The following MYO18B variants were observed in gnomAD, a reference collection of about 807,000 sequenced individuals.
MYO18B encodes myosin XVIIIB, also known as unconventional myosin-XVIIIb.
Under a neutral mutation model 273.0 loss-of-function variants are expected in MYO18B, and 204 were observed. The ratio of observed to expected loss-of-function variants is 0.75; its 90% confidence interval spans 0.67 to 0.84. The LOEUF is 0.84. Ranked by LOEUF, MYO18B falls within the 40% of genes least tolerant of loss-of-function variation. MYO18B has a pLI of 0.00. For synonymous variants in MYO18B, 1,330 were observed against 1,305.7 expected (o/e 1.02, Z -0.40); for missense variants, 3,212 against 3,287.6 (o/e 0.98, Z 0.56).
chr22:25,753,100 G>C (rs943973803), intron 1 of MYO18B, among the ~76,000 whole-genome samples: 1 of 152,170 alleles, frequency 6.6e-6, no homozygotes, highest in Non-Finnish European at 1.5e-5. Context: ...GGTTAGGATC[G>C]CGCGCGGCCA....
chr22:25,939,093 G>A (rs566170126), intron 34 of MYO18B, among the ~76,000 whole-genome samples: 4 of 152,322 alleles, frequency 2.6e-5, no homozygotes, highest in South Asian at 4.1e-4. Context: ...AGGATTACAG[G>A]CATAAGCCAC....
intron 39 of MYO18B, among the ~76,000 whole-genome samples, chr22:25,981,878 C>T (rs540466702): frequency 2.6e-5 from 4 of 152,274 alleles, no homozygotes; most frequent in East Asian, 3.9e-4. Flanking sequence ...TGTATTAGTC[C>T]GTTCTTGCAT....
chr22:25,839,342 G>A (rs1365956156), intron 17 of MYO18B, among the ~76,000 whole-genome samples: 1 of 152,188 alleles, frequency 6.6e-6, no homozygotes, highest in Non-Finnish European at 1.5e-5. Flanking sequence ...GGCCCAGGAA[G>A]TTGTGCTGCG....
Position 25,924,099 on chromosome 22 carries a change from G to A in MYO18B, c.5517+2690G>A, listed in dbSNP as rs576114203. Among the ~76,000 whole-genome samples the A allele has an allele frequency of 9.8e-5, 15 of 152,312 alleles. No homozygotes were observed. In the South Asian group the frequency reaches 2.9e-3, roughly 30 times the overall value. The stretch of plus-strand genomic sequence containing the variant: ...GAAATCGTTATAAGGATGGGATCGC[G>A]TGGACCAGAGGTCAGGGTACAGTTG... On this transcript the variant is annotated intron_variant, in intron 34 of 43. Transcript: ENST00000335473.
At chr22:25,979,959 C>T (rs2093132540) in intron 39 of MYO18B, among the ~76,000 whole-genome samples, 1 of 152,106 alleles carries the variant, frequency 6.6e-6, no homozygotes, top group Non-Finnish European at 1.5e-5. Context: ...AAGCTCCAGT[C>T]CCTGGCGCTA....
chr22:25,800,934 A>G (rs1394510882), intron 12 of MYO18B, among the ~76,000 whole-genome samples: 1 of 152,230 alleles, frequency 6.6e-6, no homozygotes, highest in Non-Finnish European at 1.5e-5. Flanking sequence ...ATCCCACGTT[A>G]TAAATTATTT....
chr22:25,848,727 CCT>C lies in MYO18B; in HGVS notation c.3775+1079_3775+1080del, dbSNP rs1193535472. 3.0e-4 allele frequency among the ~76,000 whole-genome samples: 45 copies of C among 152,270 alleles called. 1 individual carries two copies. In the East Asian group the frequency reaches 6.6e-3, roughly 22 times the overall value. On this transcript the variant is annotated intron_variant, in intron 20 of 43. Transcript: ENST00000335473. ...TCTCAGTCCTTGCTATTCTTTTCTGCCTCTCAGTCTCCAAAGGCCACCACACT... is the reference window on the plus strand; with the variant it reads ...TCTCAGTCCTTGCTATTCTTTTCTGCCTCAGTCTCCAAAGGCCACCACACT...
At chr22:25,884,293 T>C (rs1201626002) in intron 25 of MYO18B, among the ~76,000 whole-genome samples, 1 of 152,166 alleles carries the variant, frequency 6.6e-6, no homozygotes, top group East Asian at 1.9e-4. Flanking sequence ...GGTCACATGG[T>C]CACTGGTAAC....
chr22:25,899,884 T>G (rs1417860931), intron 29 of MYO18B: 1 of 152,178 alleles, frequency 6.6e-6, no homozygotes, highest in Non-Finnish European at 1.5e-5. Context: ...TATACCCCTG[T>G]CTGTGAAACA....
intron 28 of MYO18B, among the ~76,000 whole-genome samples, chr22:25,895,821 G>A (rs962363880): frequency 1.3e-5 from 2 of 152,008 alleles, no homozygotes; most frequent in Non-Finnish European, 2.9e-5. Context: ...TCTCATGTTG[G>A]ATTTTTTTCC....
intron 34 of MYO18B, among the ~76,000 whole-genome samples, chr22:25,926,169 C>T (rs2092418328): frequency 1.3e-5 from 2 of 152,020 alleles, no homozygotes; most frequent in Middle Eastern, 3.4e-3. Context: ...TGTGCCACTG[C>T]ACTCCAGCCT....
intron 32 of MYO18B, among the ~76,000 whole-genome samples, chr22:25,910,262 G>T (rs1226950555): frequency 6.6e-6 from 1 of 152,228 alleles, no homozygotes; most frequent in Non-Finnish European, 1.5e-5. Context: ...GGCAGATTCA[G>T]TGTCTGGCGA....
At chr22:25,874,665 A>C (rs2072013) in intron 23 of MYO18B, among the ~76,000 whole-genome samples, 1 of 152,100 alleles carries the variant, frequency 6.6e-6, no homozygotes, top group Admixed American at 6.5e-5. Flanking sequence ...CATGACTTCA[A>C]CCTGTCTTGT....
intron 18 of MYO18B, among the ~76,000 whole-genome samples, chr22:25,844,964 A>G (rs2090191113): frequency 6.6e-6 from 1 of 152,174 alleles, no homozygotes; most frequent in South Asian, 2.1e-4. Flanking sequence ...GAGCAGGACG[A>G]TGCTACAAGA....
intron 12 of MYO18B, among the ~76,000 whole-genome samples, chr22:25,804,902 A>G (rs2145797094): frequency 6.6e-6 from 1 of 152,232 alleles, no homozygotes; most frequent in Admixed American, 6.5e-5. Flanking sequence ...TAGACCCCTA[A>G]TTGTCTGGTT....
intron 19 of MYO18B, 97 bp downstream of exon 19, chr22:25,846,380 C>A (rs1352730521): frequency 8.2e-6 from 11 of 1,343,674 alleles, no homozygotes; most frequent in Non-Finnish European, 3.1e-6. Flanking sequence ...CTCTAACCTC[C>A]CCAGCAAGGC....
In MYO18B at chr22:25,816,769, G is replaced by A. The variant is rs530530372; in HGVS notation, c.2522-6736G>A. Among the ~76,000 whole-genome samples, 158 of 152,276 alleles carry A rather than the reference G, an allele frequency of 1.0e-3. 2 individuals are homozygous for A. Among genetic ancestry groups the A allele is most frequent in the Admixed American group, 4.1e-3 (63 of 15,294 alleles). On this transcript the variant is annotated intron_variant, in intron 12 of 43. Coordinates refer to ENST00000335473, the MANE Select transcript of MYO18B (RefSeq NM_032608.7). ...CACGCGGCTGTAAGCAGTGGAGGTGGGATTTGAACTGAGGCAGTCTGTCTC... is the reference window on the plus strand; with the variant it reads ...CACGCGGCTGTAAGCAGTGGAGGTGAGATTTGAACTGAGGCAGTCTGTCTC...
intron 42 of MYO18B, among the ~76,000 whole-genome samples, chr22:26,025,459 A>G (rs1418751616): frequency 6.6e-6 from 1 of 152,234 alleles, no homozygotes; most frequent in Non-Finnish European, 1.5e-5. Flanking sequence ...TTACAGTTCC[A>G]GCAACAAAGC....
chr22:25,874,857 G>A (rs1003664162), intron 23 of MYO18B, among the ~76,000 whole-genome samples: 8 of 152,190 alleles, frequency 5.3e-5, no homozygotes, highest in South Asian at 4.1e-4. Flanking sequence ...AGAAAACCAC[G>A]TGGCTCTGGG....
Sources: allele counts gnomAD v4.1 joint callset (sites outside exome capture counted in the v4.1 genomes callset), GRCh38; gene constraint gnomAD v4.1.1; transcripts MANE v1.5; gene names NCBI Gene and HGNC (gene_info 2026-07-23, HGNC 2026-07-21).